Variants in AGTR1 observed in about 807,000 individuals in gnomAD.
The protein encoded by AGTR1 is type-1 angiotensin II receptor.
A neutral mutation model predicts 19.4 loss-of-function variants in AGTR1; 16 were observed. The observed-to-expected ratio is 0.82, with a 90% CI of 0.56 to 1.25. AGTR1 has a LOEUF of 1.25. Among genes scored for constraint, AGTR1 ranks in the 50% most tolerant of loss-of-function variants. The pLI is 0.00. For synonymous variants in AGTR1, 153 were observed against 154.9 expected (o/e 0.99, Z 0.09); for missense variants, 373 against 431.9 (o/e 0.86, Z 1.21).
intron 2 of AGTR1, among the ~76,000 whole-genome samples, chr3:148,713,238 A>G (rs1713100883): frequency 6.6e-6 from 1 of 152,076 alleles, no homozygotes; most frequent in African/African-American, 2.4e-5. Context: ...CAGTATCTTT[A>G]ACTTTCATAT....
chr3:148,741,466 T>C lies in AGTR1; in HGVS notation c.431T>C (p.Val144Ala). ...MKSRLRRTML[V>A]AKVTCIIIWL... The stretch of plus-strand genomic sequence containing the variant: ...TCCCGCCTTCGACGCACAATGCTTG[T>C]AGCCAAAGTCACCTGCATCATCATT... Residue 144 changes from valine to alanine, a missense_variant, in exon 3 of 3, where the codon GTA becomes GCA. Physicochemically the swap from Val to Ala is moderately conservative, Grantham distance 64. Transcript: ENST00000349243. The C allele has an allele frequency of 6.2e-7, 1 of 1,612,558 alleles. No homozygotes were observed. Among genetic ancestry groups the C allele is most frequent in the Non-Finnish European group, 8.5e-7 (1 of 1,180,002 alleles).
chr3:148,740,031 G>T, intron 2 of AGTR1: 1 of 1,179,232 alleles, frequency 8.5e-7, no homozygotes, highest in South Asian at 4.3e-5. Flanking sequence ...GGCAGAATGT[G>T]TTGATTTTCT....
At chr3:148,712,093 G>A (rs1713018134) in intron 2 of AGTR1, among the ~76,000 whole-genome samples, 1 of 151,902 alleles carries the variant, frequency 6.6e-6, no homozygotes, top group African/African-American at 2.4e-5. Context: ...CAAAGAAATA[G>A]GTTTTAAATT....
chr3:148,734,962 C>CA (rs1420995277), intron 2 of AGTR1, among the ~76,000 whole-genome samples: 1 of 152,146 alleles, frequency 6.6e-6, no homozygotes, highest in Admixed American at 6.5e-5. Context: ...ACGAAGCAGG[C>CA]ATGGAAACTG....
chr3:148,700,557 GC>G (rs1712279326), intron 1 of AGTR1, among the ~76,000 whole-genome samples: 1 of 152,148 alleles, frequency 6.6e-6, no homozygotes, highest in African/African-American at 2.4e-5. Context: ...AGTTTACCTA[GC>G]CCTTTTTCTG....
intron 2 of AGTR1, among the ~76,000 whole-genome samples, chr3:148,712,672 T>C (rs989848111): frequency 7.9e-5 from 12 of 152,138 alleles, no homozygotes; most frequent in African/African-American, 2.7e-4. Flanking sequence ...TCCTTAACAA[T>C]GCAAAGCAAG....
In AGTR1 at chr3:148,742,547, G is replaced by T. The variant is rs879668265; in HGVS notation, c.*432G>T. ...GTTTCCAAAGGGCAGTAAAGTTTTC[G>T]TGCCGGTTTTCAGCTATTAGCAACT... On this transcript the variant is annotated 3_prime_UTR_variant, in exon 3 of 3. Transcript: ENST00000349243. The T allele has an allele frequency of 9.4e-6, 3 of 319,244 alleles. No homozygotes were observed. The Admixed American group carries it at 1.5e-4, about 15-fold the overall frequency. The allele number at this position is 319,244 out of a possible 1,614,324, so 19.8% of individuals were successfully genotyped here.
rs778571809 is a variant in AGTR1, at chr3:148,741,371, G to GT, written c.337dup (p.Tyr113LeufsTer3). 3.5e-5 allele frequency: 56 copies of GT among 1,604,002 alleles called. No individual in the cohort carries two copies. Among genetic ancestry groups the GT allele is most frequent in the Non-Finnish European group, 4.6e-5 (54 of 1,178,756 alleles). ...CTTCAGCCAGCGTCAGTTTCAACCTGTACGCTAGTGTGTTTCTACTCACGT... is the reference window on the plus strand; with the variant it reads ...CTTCAGCCAGCGTCAGTTTCAACCTGTTACGCTAGTGTGTTTCTACTCACGT... On this transcript the variant is annotated frameshift_variant, in exon 3 of 3. Coordinates refer to ENST00000349243, the MANE Select transcript of AGTR1 (RefSeq NM_000685.5). LOFTEE classifies it high-confidence loss of function.
At chr3:148,720,142 A>C (rs980224353) in intron 2 of AGTR1, among the ~76,000 whole-genome samples, 8 of 152,152 alleles carry the variant, frequency 5.3e-5, no homozygotes, top group Non-Finnish European at 8.8e-5. Context: ...GGTAGCTACA[A>C]TTAAATATCT....
intron 2 of AGTR1, among the ~76,000 whole-genome samples, chr3:148,713,320 AATATATATAT>A (rs3039555): frequency 1.3e-5 from 2 of 148,270 alleles, no homozygotes; most frequent in East Asian, 3.9e-4. Flanking sequence ...GGAGGGGGGG[AATATATATAT>A]ATATATATGT....
chr3:148,738,635 C>T (rs948109571), intron 2 of AGTR1, among the ~76,000 whole-genome samples: 4 of 152,156 alleles, frequency 2.6e-5, no homozygotes, highest in African/African-American at 9.7e-5. Flanking sequence ...CCCTAAAAGC[C>T]TAGCCCTAGT....
chr3:148,736,696 T>C (rs1478704964), intron 2 of AGTR1, among the ~76,000 whole-genome samples: 2 of 152,198 alleles, frequency 1.3e-5, no homozygotes, highest in Non-Finnish European at 2.9e-5. Flanking sequence ...CACACAGATT[T>C]GTACGTGGCA....
chr3:148,738,711 G>C (rs772074269), intron 2 of AGTR1, among the ~76,000 whole-genome samples: 2 of 152,104 alleles, frequency 1.3e-5, no homozygotes, highest in Non-Finnish European at 2.9e-5. Flanking sequence ...AAAGCACCAA[G>C]GAATTTTCTA....
intron 2 of AGTR1, among the ~76,000 whole-genome samples, chr3:148,726,104 T>A (rs953719531): frequency 9.9e-5 from 15 of 152,224 alleles, no homozygotes; most frequent in African/African-American, 3.6e-4. Context: ...GTCAGATCAA[T>A]GAAGGTTTAA....
At chr3:148,703,187 T>A (rs1400681424) in intron 1 of AGTR1, among the ~76,000 whole-genome samples, 1 of 152,198 alleles carries the variant, frequency 6.6e-6, no homozygotes, top group Non-Finnish European at 1.5e-5. Flanking sequence ...CCCCCTGTCC[T>A]CATTCCCCCT....
At chr3:148,739,525 G>C (rs1714757240) in intron 2 of AGTR1, among the ~76,000 whole-genome samples, 2 of 152,130 alleles carry the variant, frequency 1.3e-5, no homozygotes, top group Admixed American at 1.3e-4. Context: ...ATATAAGCTG[G>C]ATGCAAAAAG....
At chr3:148,727,392 C>G (rs1714010182) in intron 2 of AGTR1, among the ~76,000 whole-genome samples, 1 of 152,150 alleles carries the variant, frequency 6.6e-6, no homozygotes, top group South Asian at 2.1e-4. Context: ...CGGAAGGATA[C>G]AGATCGATGC....
Position 148,741,357 on chromosome 3 carries a change from G to A in AGTR1, c.322G>A (p.Val108Ile), listed in dbSNP as rs373362261. 51 of 1,605,674 alleles carry A rather than the reference G, an allele frequency of 3.2e-5. No individual in the cohort carries two copies. The highest frequency in any genetic ancestry group is 3.3e-4 in the Middle Eastern group (2 of 6,074). The change falls in exon 3 of 3, where the codon GTC (valine) becomes ATC (isoleucine). Residue 108 changes from valine to isoleucine, a missense_variant. By Grantham distance (29) the Val-to-Ile change is conservative. Coordinates refer to ENST00000349243, the MANE Select transcript of AGTR1 (RefSeq NM_000685.5). ...NYLCKIASAS[V>I]SFNLYASVFL... ...CCTATGTAAGATTGCTTCAGCCAGC[G>A]TCAGTTTCAACCTGTACGCTAGTGT...
intron 2 of AGTR1, among the ~76,000 whole-genome samples, chr3:148,732,386 A>T (rs1251479686): frequency 6.6e-6 from 1 of 152,268 alleles, no homozygotes; most frequent in African/African-American, 2.4e-5. Context: ...TGCCTGGGAA[A>T]TATTTCTTTG....
Sources: allele counts gnomAD v4.1 joint callset (sites outside exome capture counted in the v4.1 genomes callset), GRCh38; gene constraint gnomAD v4.1.1; transcripts MANE v1.5; gene names NCBI Gene and HGNC (gene_info 2026-07-23, HGNC 2026-07-21).